The following LSAMP variants were observed in gnomAD, a reference collection of about 807,000 sequenced individuals.
The protein encoded by LSAMP is limbic system-associated membrane protein.
LSAMP carries 7 observed loss-of-function variants against 38.6 expected under a neutral mutation model. The observed-to-expected ratio is 0.18, with a 90% CI of 0.10 to 0.34. The LOEUF is 0.34. Among genes scored for constraint, LSAMP ranks in the 10% least tolerant of loss-of-function variants. The pLI is 1.00. For missense variants in LSAMP, 313 were observed against 420.0 expected, an observed-to-expected ratio of 0.75 and a Z score of 2.23; for synonymous variants, 154 against 166.8, an observed-to-expected ratio of 0.92 and a Z score of 0.59.
chr3:115,903,190 A>T (rs1936922903), intron 3 of LSAMP, among the ~76,000 whole-genome samples: 1 of 152,208 alleles, frequency 6.6e-6, no homozygotes, highest in South Asian at 2.1e-4. Context: ...CTTTGCAGGA[A>T]CATGGATGGA....
intron 1 of LSAMP, among the ~76,000 whole-genome samples, chr3:116,123,790 T>C (rs1363014104): frequency 1.3e-5 from 2 of 152,234 alleles, no homozygotes; most frequent in Non-Finnish European, 2.9e-5. Flanking sequence ...CTAAGTGCCT[T>C]GACTTTGATG....
chr3:116,321,482 T>C (rs1386212775), intron 1 of LSAMP, among the ~76,000 whole-genome samples: 1 of 152,182 alleles, frequency 6.6e-6, no homozygotes, highest in Non-Finnish European at 1.5e-5. Flanking sequence ...CCAAGTAGCA[T>C]ATTAGGGGCT....
intron 1 of LSAMP, among the ~76,000 whole-genome samples, chr3:116,176,985 T>C (rs1710363293): frequency 6.6e-6 from 1 of 152,166 alleles, no homozygotes. Flanking sequence ...TGTGGTGTTG[T>C]GTTTTTTCCA....
chr3:115,895,180 G>T (rs1370085143), intron 3 of LSAMP, among the ~76,000 whole-genome samples: 2 of 152,020 alleles, frequency 1.3e-5, no homozygotes, highest in Non-Finnish European at 2.9e-5. Context: ...TTCTTCCATG[G>T]TTCTTAGTCA....
At chr3:116,354,839 G>GTA (rs556504806) in intron 1 of LSAMP, among the ~76,000 whole-genome samples, 2 of 115,006 alleles carry the variant, frequency 1.7e-5, no homozygotes, top group East Asian at 2.9e-4. Flanking sequence ...CTCTCTGGGT[G>GTA]TATATATGTG....
At chr3:116,313,974 G>A (rs1457403853) in intron 1 of LSAMP, among the ~76,000 whole-genome samples, 1 of 152,116 alleles carries the variant, frequency 6.6e-6, no homozygotes, top group Admixed American at 6.5e-5. Flanking sequence ...AACAAAATTG[G>A]ACTGTACGAA....
At chr3:115,952,229 G>A (rs1362879192) in intron 3 of LSAMP, among the ~76,000 whole-genome samples, 2 of 152,146 alleles carry the variant, frequency 1.3e-5, no homozygotes, top group African/African-American at 2.4e-5. Flanking sequence ...TCTACCCAGA[G>A]GAAAAGAAGT....
chr3:116,363,890 C>T (rs2048320639), intron 1 of LSAMP, among the ~76,000 whole-genome samples: 1 of 93,508 alleles, frequency 1.1e-5, no homozygotes, highest in African/African-American at 5.3e-5. Flanking sequence ...CTATGACAAA[C>T]CCACAGCCAA....
At chr3:115,897,367 T>TA (rs1936755035) in intron 3 of LSAMP, among the ~76,000 whole-genome samples, 6 of 152,126 alleles carry the variant, frequency 3.9e-5, no homozygotes, top group Admixed American at 3.9e-4. Flanking sequence ...ATGATTTTTT[T>TA]TAAAAAAGCT....
chr3:116,021,975 C>G (rs1349919534), intron 2 of LSAMP, among the ~76,000 whole-genome samples: 1 of 152,144 alleles, frequency 6.6e-6, no homozygotes, highest in Non-Finnish European at 1.5e-5. Flanking sequence ...CCAAACCACA[C>G]TGCATCTCCT....
At chr3:116,263,027 C>G (rs12494106) in intron 1 of LSAMP, among the ~76,000 whole-genome samples, 30,407 of 152,084 alleles carry the variant, frequency 0.2, 3,272 homozygotes, top group African/African-American at 0.24. Context: ...TGAGCTCTGT[C>G]ACTCTACCTA....
At chr3:116,141,426 A>T (rs1709367922) in intron 1 of LSAMP, among the ~76,000 whole-genome samples, 1 of 149,374 alleles carries the variant, frequency 6.7e-6, no homozygotes, top group African/African-American at 2.4e-5. Flanking sequence ...AGAAAAAAAA[A>T]GTAGCACATT....
intron 2 of LSAMP, among the ~76,000 whole-genome samples, chr3:116,078,004 A>G (rs1707784448): frequency 6.6e-6 from 1 of 152,212 alleles, no homozygotes; most frequent in Non-Finnish European, 1.5e-5. Context: ...TCCCGTTACT[A>G]GTAGTGTTAA....
intron 3 of LSAMP, among the ~76,000 whole-genome samples, chr3:115,963,403 T>C (rs929818441): frequency 3.3e-5 from 5 of 152,208 alleles, no homozygotes; most frequent in African/African-American, 1.2e-4. Context: ...TGAGAGTATA[T>C]TTGAATTTGG....
intron 3 of LSAMP, among the ~76,000 whole-genome samples, chr3:115,881,756 G>T (rs1299423584): frequency 6.6e-6 from 1 of 152,150 alleles, no homozygotes; most frequent in African/African-American, 2.4e-5. Context: ...ATGTGAATTT[G>T]TTTTAGAGTC....
chr3:116,198,265 T>C (rs1259054739), intron 1 of LSAMP, among the ~76,000 whole-genome samples: 1 of 152,176 alleles, frequency 6.6e-6, no homozygotes, highest in East Asian at 1.9e-4. Context: ...TGATGTTCCT[T>C]TGGGAGATAA....
rs537986416 is a variant in LSAMP at position 116,201,821 on chromosome 3, T to C, written c.156-115265A>G. ...CCTGACCAAGGAAAAGTGAGACTTA[T>C]TTTAACCATCTGTGGAGAGAACAAT... On this transcript the variant is annotated intron_variant, in intron 1 of 6. Transcript: ENST00000490035. 1.9e-4 allele frequency among the ~76,000 whole-genome samples: 29 copies of C among 152,314 alleles called. No homozygotes were observed. In the South Asian group the frequency reaches 6.0e-3, roughly 32 times the overall value.
chr3:116,035,129 T>C (rs908792199), intron 2 of LSAMP, among the ~76,000 whole-genome samples: 2 of 152,188 alleles, frequency 1.3e-5, no homozygotes, highest in African/African-American at 4.8e-5. Flanking sequence ...TAAATTATTA[T>C]AGATGTTTTT....
intron 3 of LSAMP, among the ~76,000 whole-genome samples, chr3:115,926,514 G>A (rs1408529740): frequency 6.6e-6 from 1 of 152,212 alleles, no homozygotes; most frequent in African/African-American, 2.4e-5. Context: ...CAGTGCAATT[G>A]TTCTCAAACA....
Sources: gnomAD v4.1 joint callset for allele counts (sites outside exome capture counted in the v4.1 genomes callset) on GRCh38, gnomAD v4.1.1 for gene constraint, MANE v1.5 for transcripts, NCBI Gene and HGNC (gene_info 2026-07-23, HGNC 2026-07-21) for gene names.